GDPD4: variants seen among roughly 807,000 people sequenced by gnomAD.
The protein encoded by GDPD4 is glycerophosphodiester phosphodiesterase domain containing 4.
Under a neutral mutation model 67.8 loss-of-function variants are expected in GDPD4, and 60 were observed. The ratio of observed to expected loss-of-function variants is 0.88; its 90% CI spans 0.72 to 1.10. The LOEUF (loss-of-function observed/expected upper bound fraction) is 1.10, where lower values mean the gene tolerates loss of function less well. GDPD4 is among the 50% of genes least tolerant of loss of function. The pLI is 0.00. For missense variants in GDPD4, 623 were observed against 613.9 expected, an observed-to-expected ratio of 1.01 and a Z score of -0.16; for synonymous variants, 212 against 210.9, an observed-to-expected ratio of 1.00 and a Z score of -0.04.
chr11:77,229,037 C>T (rs1022072164), intron 15 of GDPD4, 113 bp downstream of exon 15: 13 of 571,190 alleles, frequency 2.3e-5, no homozygotes, highest in African/African-American at 3.8e-5. Flanking sequence ...AGATTATAAA[C>T]GCCATCTTGC....
chr11:77,294,391 CATACTT>C (rs1166990852), intron 1 of GDPD4, among the ~76,000 whole-genome samples: 1 of 152,138 alleles, frequency 6.6e-6, no homozygotes, highest in Non-Finnish European at 1.5e-5. Context: ...GTAACAAACA[CATACTT>C]AGGTATAAAT....
chr11:77,274,396 C>T (rs1959356732), intron 5 of GDPD4, among the ~76,000 whole-genome samples: 3 of 152,130 alleles, frequency 2.0e-5, no homozygotes, highest in African/African-American at 7.2e-5. Flanking sequence ...ATCATGGGGA[C>T]AGCTCCCTCA....
chr11:77,291,404 A>G (rs1018942456), intron 1 of GDPD4, among the ~76,000 whole-genome samples: 1 of 152,194 alleles, frequency 6.6e-6, no homozygotes, highest in African/African-American at 2.4e-5. Flanking sequence ...AAGGTAGGTT[A>G]ATAAGTACAA....
chr11:77,243,499 G>A (rs1411564783), intron 13 of GDPD4, among the ~76,000 whole-genome samples, 195 bp downstream of exon 13: 1 of 114,996 alleles, frequency 8.7e-6, no homozygotes, highest in Non-Finnish European at 1.6e-5. Flanking sequence ...GTCAACACTT[G>A]ATAAATGTTT....
chr11:77,298,762 C>T (rs1938064858), intron 1 of GDPD4, among the ~76,000 whole-genome samples: 1 of 151,882 alleles, frequency 6.6e-6, no homozygotes, highest in Non-Finnish European at 1.5e-5. Context: ...GCCACGCCCC[C>T]ACCCCACAAA....
intron 14 of GDPD4, among the ~76,000 whole-genome samples, chr11:77,229,570 T>G (rs1349395746): frequency 6.6e-6 from 1 of 152,216 alleles, no homozygotes; most frequent in African/African-American, 2.4e-5. Flanking sequence ...GGTTCTTGAC[T>G]TCTACTGCTG....
intron 13 of GDPD4, among the ~76,000 whole-genome samples, chr11:77,239,019 G>A (rs577164114): frequency 4.6e-5 from 7 of 152,256 alleles, no homozygotes; most frequent in East Asian, 1.9e-4. Flanking sequence ...GGATTCCTCC[G>A]TGATACAAGG....
intron 1 of GDPD4, among the ~76,000 whole-genome samples, chr11:77,298,622 T>A (rs978648332): frequency 6.6e-6 from 1 of 152,158 alleles, no homozygotes; most frequent in African/African-American, 2.4e-5. Context: ...TGTTTTGAAG[T>A]CTTATAGTGG....
chr11:77,240,465 A>G (rs1958640473), intron 13 of GDPD4, among the ~76,000 whole-genome samples: 1 of 152,222 alleles, frequency 6.6e-6, no homozygotes, highest in Non-Finnish European at 1.5e-5. Flanking sequence ...CCCTTATCTC[A>G]TACCACATAC....
chr11:77,272,716 CA>C (rs1284854169), intron 5 of GDPD4, among the ~76,000 whole-genome samples: 2 of 151,526 alleles, frequency 1.3e-5, no homozygotes, highest in African/African-American at 4.9e-5. Context: ...GCAGAAGTTG[CA>C]GTGAGCTGAG....
chr11:77,282,693 A>AAC (rs1565541934), intron 3 of GDPD4, among the ~76,000 whole-genome samples: 5 of 151,630 alleles, frequency 3.3e-5, no homozygotes, highest in African/African-American at 7.3e-5. Context: ...CCTCAAAAAA[A>AAC]AACAACAACA....
In GDPD4 at chr11:77,216,612, T is replaced by C; in HGVS notation, c.*665A>G. The C allele has an allele frequency of 5.6e-6, 2 of 355,562 alleles. No individual in the cohort carries two copies. Among genetic ancestry groups the C allele is most frequent in the Non-Finnish European group, 1.0e-5 (2 of 193,070 alleles). 22.0% of individuals were successfully genotyped at this position (355,562 alleles called of 1,614,324 possible). The stretch of plus-strand genomic sequence containing the variant: ...ACAGTCACTCCTTTAGCAGAAAATA[T>C]TATGGAGGTGTTAGGATGAGATAAA... On this transcript the variant is annotated 3_prime_UTR_variant, in exon 17 of 17. Coordinates refer to ENST00000315938, the MANE Select transcript of GDPD4 (RefSeq NM_182833.3).
rs183444975 is a variant in GDPD4, at chr11:77,295,585, G to A, written c.-254+6020C>T. The stretch of plus-strand genomic sequence containing the variant: ...GGTTGAGGCTGCAGCAAGCCATGAT[G>A]GGGCCACTATACTCCATTCTGGGTG... On this transcript the variant is annotated intron_variant, in intron 1 of 16. Coordinates refer to ENST00000315938, the MANE Select transcript of GDPD4 (RefSeq NM_182833.3). Among the ~76,000 whole-genome samples the A allele has an allele frequency of 5.4e-4, 82 of 152,176 alleles. 1 individual carries two copies. The highest frequency in any genetic ancestry group is 4.8e-3 in the Admixed American group (74 of 15,292).
intron 14 of GDPD4, among the ~76,000 whole-genome samples, chr11:77,230,661 A>T (rs984742336): frequency 6.6e-6 from 1 of 152,222 alleles, no homozygotes; most frequent in Admixed American, 6.5e-5. Flanking sequence ...TGACTGTCAA[A>T]AGGTGAATGA....
chr11:77,301,464 G>C (rs917875616), intron 1 of GDPD4, 141 bp downstream of exon 1: 2 of 152,190 alleles, frequency 1.3e-5, no homozygotes, highest in African/African-American at 4.8e-5. Flanking sequence ...TAATCCTCGA[G>C]AGGGGACACA....
At chr11:77,256,721 T>C (rs1224577807) in intron 11 of GDPD4, among the ~76,000 whole-genome samples, 1 of 152,138 alleles carries the variant, frequency 6.6e-6, no homozygotes, top group East Asian at 1.9e-4. Context: ...CAAGAGCTGG[T>C]TGTTGAAAAG....
chr11:77,251,086 C>G (rs1475614652), intron 11 of GDPD4, among the ~76,000 whole-genome samples: 1 of 152,038 alleles, frequency 6.6e-6, no homozygotes, highest in Non-Finnish European at 1.5e-5. Context: ...TGAGTCATTT[C>G]CTTTATTCAT....
At chr11:77,248,205 CTTT>C (rs974874400) in intron 11 of GDPD4, among the ~76,000 whole-genome samples, 9 of 140,836 alleles carry the variant, frequency 6.4e-5, no homozygotes, top group Non-Finnish European at 6.2e-5. Flanking sequence ...ATTTTCTTTT[CTTT>C]TTTTTTTTTT....
At chr11:77,248,875 A>C (rs189411237) in intron 11 of GDPD4, among the ~76,000 whole-genome samples, 2,404 of 142,442 alleles carry the variant, frequency 0.017, 20 homozygotes, top group African/African-American at 0.027. Context: ...GCACCCACCA[A>C]CATGCCCGGC....
Sources: gnomAD v4.1 joint callset for allele counts (sites outside exome capture counted in the v4.1 genomes callset) on GRCh38, gnomAD v4.1.1 for gene constraint, MANE v1.5 for transcripts, NCBI Gene and HGNC (gene_info 2026-07-23, HGNC 2026-07-21) for gene names.